Variants in SIPA1L2 observed in about 807,000 individuals in gnomAD.
SIPA1L2 encodes the protein signal induced proliferation associated 1 like 2.
Under a neutral mutation model 163.9 loss-of-function variants are expected in SIPA1L2, and 56 were observed. The observed-to-expected ratio is 0.34, with a 90% CI of 0.28 to 0.43. The LOEUF is 0.43. Ranked by LOEUF, SIPA1L2 falls within the 20% of genes least tolerant of loss-of-function variation. The probability of loss-of-function intolerance (pLI) is 1.00; values close to 1 mark genes in which losing one functional copy is unlikely to be tolerated. For missense variants in SIPA1L2, 1,974 were observed against 2,193.5 expected, an observed-to-expected ratio of 0.90 and a Z score of 2.00; for synonymous variants, 877 against 865.7, an observed-to-expected ratio of 1.01 and a Z score of -0.23.
chr1:232,437,143 T>C (rs1178613921), intron 15 of SIPA1L2, among the ~76,000 whole-genome samples: 1 of 152,142 alleles, frequency 6.6e-6, no homozygotes, highest in Non-Finnish European at 1.5e-5. Flanking sequence ...CAAATATCAA[T>C]AAACGAATGT....
At chr1:232,623,802 T>C (rs1203964287) in intron 1 of SIPA1L2, among the ~76,000 whole-genome samples, 1 of 151,728 alleles carries the variant, frequency 6.6e-6, no homozygotes, top group African/African-American at 2.4e-5. Context: ...ACACAGTAAA[T>C]ATAAGGCCCA....
intron 9 of SIPA1L2, 41 bp from the exon 10 acceptor site, chr1:232,461,202 A>C (rs1295560137): frequency 6.3e-7 from 1 of 1,594,286 alleles, no homozygotes; most frequent in South Asian, 1.1e-5. Flanking sequence ...CTTCCTGCCC[A>C]AGCTGCCATG....
At chr1:232,612,960 A>G (rs1662324426) in intron 1 of SIPA1L2, among the ~76,000 whole-genome samples, 3 of 152,116 alleles carry the variant, frequency 2.0e-5, no homozygotes, top group Admixed American at 2.0e-4. Context: ...GGTGGAAGAT[A>G]GTTTGAATCA....
At chr1:232,498,786 G>A (rs530582762) in intron 3 of SIPA1L2, among the ~76,000 whole-genome samples, 36 of 152,206 alleles carry the variant, frequency 2.4e-4, no homozygotes, top group African/African-American at 7.2e-4. Flanking sequence ...GCCAGGTCCC[G>A]CCTGGATAAT....
At chr1:232,424,319 T>TAAAAA (rs1558164388) in intron 18 of SIPA1L2, among the ~76,000 whole-genome samples, 1 of 8,362 alleles carries the variant, frequency 1.2e-4, no homozygotes, top group East Asian at 5.8e-3. Context: ...TAAGTGAAGC[T>TAAAAA]AACAAAAAAA....
chr1:232,617,446 T>C (rs938823853), intron 1 of SIPA1L2, among the ~76,000 whole-genome samples: 14 of 152,166 alleles, frequency 9.2e-5, no homozygotes, highest in African/African-American at 3.4e-4. Flanking sequence ...ATCTGACAAA[T>C]GGATATGACC....
chr1:232,470,452 T>C (rs1166303472), intron 8 of SIPA1L2, among the ~76,000 whole-genome samples: 2 of 152,178 alleles, frequency 1.3e-5, no homozygotes, highest in South Asian at 2.1e-4. Flanking sequence ...GGATGTAAAA[T>C]GGCAACTTCT....
chr1:232,526,799 G>C (rs765614204), intron 2 of SIPA1L2, among the ~76,000 whole-genome samples: 1 of 152,138 alleles, frequency 6.6e-6, no homozygotes, highest in South Asian at 2.1e-4. Flanking sequence ...TCTGAGACAG[G>C]GAGGCCAGGG....
intron 2 of SIPA1L2, among the ~76,000 whole-genome samples, chr1:232,545,399 G>A (rs1657973724): frequency 1.3e-5 from 2 of 152,162 alleles, no homozygotes; most frequent in Admixed American, 6.5e-5. Context: ...CCGTGTGGGC[G>A]CCTAAGTGCT....
Position 232,493,767 on chromosome 1 carries a change from C to T in SIPA1L2, c.1484-107G>A, listed in dbSNP as rs1329768403. ...AAATCTCTGAAGAAATACCACATAG[C>T]TCATACACAGTGATTTCCTTGTATC... On this transcript the variant is annotated intron_variant, in intron 3 of 22. Coordinates refer to ENST00000674635, the MANE Select transcript of SIPA1L2 (RefSeq NM_020808.5). The T allele has an allele frequency of 3.7e-6, 5 of 1,366,148 alleles. No individual in the cohort carries two copies. In the African/African-American group the frequency reaches 4.3e-5, roughly 12 times the overall value. The allele number at this position is 1,366,148 out of a possible 1,614,324, so 84.6% of individuals were successfully genotyped here.
intron 2 of SIPA1L2, among the ~76,000 whole-genome samples, chr1:232,546,560 A>G (rs1658042483): frequency 6.6e-6 from 1 of 152,184 alleles, no homozygotes; most frequent in Non-Finnish European, 1.5e-5. Flanking sequence ...GTGATCACAG[A>G]CACGCTCTAA....
In SIPA1L2 at chr1:232,474,677, G is replaced by T. The variant is rs887708816; in HGVS notation, c.2086-3149C>A. Among the ~76,000 whole-genome samples the T allele has an allele frequency of 2.8e-4, 43 of 152,132 alleles. No individual in the cohort carries two copies. The Middle Eastern group carries it at 0.014, about 48-fold the overall frequency. On this transcript the variant is annotated intron_variant, in intron 7 of 22. Transcript: ENST00000674635. ...ACAGATATGCCAATTACTCTGATGT[G>T]ATCAATACACATTGTATGCAGGTAT...
intron 2 of SIPA1L2, among the ~76,000 whole-genome samples, chr1:232,564,137 T>C (rs1270697039): frequency 1.3e-5 from 1 of 76,022 alleles, no homozygotes; most frequent in Admixed American, 1.6e-4. Context: ...GAAGGTTGTT[T>C]TTTTTTTTTT....
chr1:232,533,738 C>G (rs1326734706), intron 2 of SIPA1L2, among the ~76,000 whole-genome samples: 1 of 152,160 alleles, frequency 6.6e-6, no homozygotes, highest in Non-Finnish European at 1.5e-5. Context: ...GAGTGTTCCA[C>G]AACTTCCATG....
chr1:232,592,605 G>C (rs567037906), intron 1 of SIPA1L2, among the ~76,000 whole-genome samples: 68 of 152,232 alleles, frequency 4.5e-4, no homozygotes, highest in African/African-American at 1.6e-3. Context: ...GAAAAACTTA[G>C]TGAATCAAAG....
chr1:232,629,540 G>C (rs1391078298), intron 1 of SIPA1L2, among the ~76,000 whole-genome samples: 1 of 152,232 alleles, frequency 6.6e-6, no homozygotes, highest in Non-Finnish European at 1.5e-5. Context: ...GTTAGTCAGA[G>C]CGAAGTTCTG....
intron 7 of SIPA1L2, among the ~76,000 whole-genome samples, chr1:232,473,052 G>A (rs1383984281): frequency 6.6e-6 from 1 of 152,170 alleles, no homozygotes; most frequent in African/African-American, 2.4e-5. Flanking sequence ...TCATAATACA[G>A]ACCCAATGAG....
At position 232,450,524 on chromosome 1, in the gene SIPA1L2, G is replaced by A. The variant is rs1663510510; in HGVS notation, c.3096-4738C>T. Among the ~76,000 whole-genome samples, 6 of 152,212 alleles carry A rather than the reference G, an allele frequency of 3.9e-5. No individual in the cohort carries two copies. The South Asian group carries it at 1.2e-3, about 32-fold the overall frequency. On this transcript the variant is annotated intron_variant, in intron 10 of 22. Coordinates refer to ENST00000674635, the MANE Select transcript of SIPA1L2 (RefSeq NM_020808.5). ...GTTCAGGTGAACACCAGGCTTTGGT[G>A]TCTCACAGGTTCCAGCTGCCTGAGT...
chr1:232,463,106 A>G (rs901643685), intron 9 of SIPA1L2, among the ~76,000 whole-genome samples: 1 of 152,222 alleles, frequency 6.6e-6, no homozygotes, highest in African/African-American at 2.4e-5. Context: ...TCAAGATGGC[A>G]ATGGCAGAGC....
Sources: allele counts gnomAD v4.1 joint callset (sites outside exome capture counted in the v4.1 genomes callset), GRCh38; gene constraint gnomAD v4.1.1; transcripts MANE v1.5; gene names NCBI Gene and HGNC (gene_info 2026-07-23, HGNC 2026-07-21).